Variants in DPP6 observed in about 807,000 individuals in gnomAD.
DPP6 encodes dipeptidyl peptidase like 6.
DPP6 carries 69 observed loss-of-function variants against 122.6 expected under a neutral mutation model. That is an observed-to-expected ratio of 0.56 (90% CI 0.46 to 0.69). DPP6 has a LOEUF of 0.69. DPP6 is among the 30% of genes least tolerant of loss of function. The pLI, the probability that DPP6 is intolerant of heterozygous loss-of-function variation, is 0.00. For synonymous variants in DPP6, 418 were observed against 433.1 expected, an observed-to-expected ratio of 0.97 and a Z score of 0.43; for missense variants, 928 against 1,116.9, an observed-to-expected ratio of 0.83 and a Z score of 2.41.
At chr7:154,408,452 A>G (rs75109225) in intron 1 of DPP6, among the ~76,000 whole-genome samples, 4,132 of 152,176 alleles carry the variant, frequency 0.027, 175 homozygotes, top group African/African-American at 0.093. Context: ...AATCTTTTCA[A>G]TATATATTTT....
At chr7:154,388,829 C>A (rs1337073314) in intron 1 of DPP6, among the ~76,000 whole-genome samples, 1 of 152,116 alleles carries the variant, frequency 6.6e-6, no homozygotes, top group Non-Finnish European at 1.5e-5. Flanking sequence ...GAAAACATAT[C>A]CGTTGTCATT....
chr7:153,918,462 ACACACTCTCT>A (rs1481459937), intron 1 of DPP6, among the ~76,000 whole-genome samples: 44 of 80,286 alleles, frequency 5.5e-4, no homozygotes, highest in African/African-American at 1.8e-3. Context: ...ACACACACAC[ACACACTCTCT>A]CTCTCTCTCT....
intron 1 of DPP6, among the ~76,000 whole-genome samples, chr7:154,394,959 G>A (rs142944743): frequency 9.9e-4 from 151 of 152,336 alleles, no homozygotes; most frequent in African/African-American, 3.4e-3. Context: ...ATGGTGTTGA[G>A]TCTGTATATC....
chr7:154,234,242 CTT>C (rs1334635402), intron 1 of DPP6, among the ~76,000 whole-genome samples: 1 of 152,114 alleles, frequency 6.6e-6, no homozygotes, highest in Non-Finnish European at 1.5e-5. Flanking sequence ...AGCTTTGGTG[CTT>C]TGCCCACTGG....
intron 9 of DPP6, among the ~76,000 whole-genome samples, chr7:154,770,643 C>T (rs1796197564): frequency 6.6e-6 from 1 of 152,162 alleles, no homozygotes; most frequent in South Asian, 2.1e-4. Flanking sequence ...TGTTTGTGAG[C>T]CAGTCAGTTT....
At chr7:154,191,829 C>T (rs1798631354) in intron 1 of DPP6, among the ~76,000 whole-genome samples, 1 of 152,210 alleles carries the variant, frequency 6.6e-6, no homozygotes, top group South Asian at 2.1e-4. Context: ...TCTTTAGGGA[C>T]ATGAACTTCA....
the DPP6 span, among the ~76,000 whole-genome samples, chr7:153,812,930 T>A: frequency 6.6e-6 from 1 of 152,290 alleles, no homozygotes; most frequent in East Asian, 1.9e-4. Context: ...CGTCTTTACA[T>A]GCATCACTAG....
chr7:154,121,165 G>A lies in DPP6; in HGVS notation c.243+68102G>A, dbSNP rs988241851. Among the ~76,000 whole-genome samples, 11 of 152,250 alleles carry A rather than the reference G, an allele frequency of 7.2e-5. No homozygotes were observed. The East Asian group carries it at 9.6e-4, about 13-fold the overall frequency. On this transcript the variant is annotated intron_variant, in intron 1 of 25. Coordinates refer to ENST00000377770, the MANE Select transcript of DPP6 (RefSeq NM_130797.4). The stretch of plus-strand genomic sequence containing the variant: ...GTGGAACTGTGAGTCTGTTAAACCC[G>A]TTTTCTTTATAAATTAACCAGTCTC...
At chr7:154,205,838 A>T (rs938109633) in intron 1 of DPP6, among the ~76,000 whole-genome samples, 3 of 152,022 alleles carry the variant, frequency 2.0e-5, no homozygotes, top group African/African-American at 7.2e-5. Flanking sequence ...TGCCAGCCAC[A>T]AAGGGGATTC....
chr7:154,840,525 C>A (rs1191208307), intron 16 of DPP6, among the ~76,000 whole-genome samples: 24 of 152,168 alleles, frequency 1.6e-4, no homozygotes. Flanking sequence ...CCTGAGTTTC[C>A]CAACACACCA....
At chr7:154,731,115 G>T (rs1048499723) in intron 8 of DPP6, among the ~76,000 whole-genome samples, 2 of 152,052 alleles carry the variant, frequency 1.3e-5, no homozygotes, top group Non-Finnish European at 2.9e-5. Flanking sequence ...TTTTAATAAT[G>T]GGAAAGTAAA....
chr7:154,517,120 T>G (rs1245308468), intron 3 of DPP6, among the ~76,000 whole-genome samples: 1 of 152,182 alleles, frequency 6.6e-6, no homozygotes, highest in Non-Finnish European at 1.5e-5. Context: ...GTGAAGAAAG[T>G]GCTGAGTGTG....
At chr7:154,303,925 G>C (rs1806082512) in intron 1 of DPP6, among the ~76,000 whole-genome samples, 1 of 152,198 alleles carries the variant, frequency 6.6e-6, no homozygotes, top group Non-Finnish European at 1.5e-5. Flanking sequence ...GATGGGGTGG[G>C]AAGCAGTGCT....
intron 1 of DPP6, among the ~76,000 whole-genome samples, chr7:154,269,001 C>T (rs1415402793): frequency 1.2e-5 from 1 of 85,838 alleles, no homozygotes; most frequent in Non-Finnish European, 2.6e-5. Flanking sequence ...ATGGACTCAA[C>T]CACTTCTATC....
chr7:154,765,054 T>G (rs1795814200), intron 8 of DPP6, among the ~76,000 whole-genome samples: 2 of 152,198 alleles, frequency 1.3e-5, no homozygotes, highest in African/African-American at 4.8e-5. Flanking sequence ...TGAGCTTTAG[T>G]GGGGACAAAC....
chr7:153,805,851 G>A, the DPP6 span, among the ~76,000 whole-genome samples: 1 of 151,894 alleles, frequency 6.6e-6, no homozygotes. Flanking sequence ...GGGGCCTGTC[G>A]TGGGGTGGGG....
intron 1 of DPP6, among the ~76,000 whole-genome samples, chr7:154,012,079 G>C (rs185574226): frequency 2.6e-5 from 4 of 152,150 alleles, no homozygotes; most frequent in Admixed American, 2.6e-4. Context: ...TTCACAAATG[G>C]TACAACTGAG....
chr7:154,883,247 C>G (rs62649261), intron 21 of DPP6, among the ~76,000 whole-genome samples: 2 of 141,594 alleles, frequency 1.4e-5, no homozygotes, highest in African/African-American at 2.7e-5. Flanking sequence ...CATTCACACA[C>G]GCTCACCCAT....
At position 154,624,326 on chromosome 7, in the gene DPP6, T is replaced by TAA. The variant is rs34931013; in HGVS notation, c.628-13480_628-13479dup. On this transcript the variant is annotated intron_variant, in intron 5 of 25. Transcript: ENST00000377770. This position sits in a 1 kb window ranked among gnomAD's most constrained non-coding sequence, Gnocchi z 4.7. ...AGGGCGACAGAGTGAGACTCCATCT[T>TAA]AAAAAAAAAAAAAAAATCAGCTTGG... 0.31 allele frequency among the ~76,000 whole-genome samples: 43,759 copies of TAA among 139,872 alleles called. 7,526 individuals are homozygous for TAA. The highest frequency in any genetic ancestry group is 0.46 in the African/African-American group (17,418 of 37,520). The allele number at this position is 139,872 out of a possible 152,430, so 91.8% of individuals were successfully genotyped here. A position where few individuals can be genotyped will look rare whatever the true frequency, so the allele number is the denominator to read the frequency against.
Sources: gnomAD v4.1 joint callset for allele counts (sites outside exome capture counted in the v4.1 genomes callset) on GRCh38, gnomAD v4.1.1 for gene constraint, Gnocchi (gnomAD v3.1) non-coding constraint, MANE v1.5 for transcripts, NCBI Gene and HGNC (gene_info 2026-07-23, HGNC 2026-07-21) for gene names.